Variants in GREB1L observed in about 807,000 individuals in gnomAD.
GREB1L encodes the protein GREB1 like retinoic acid receptor coactivator.
Under a neutral mutation model 200.8 loss-of-function variants are expected in GREB1L, and 17 were observed. The observed-to-expected ratio is 0.08, with a 90% CI of 0.06 to 0.13. GREB1L has a LOEUF of 0.13. Ranked by LOEUF, GREB1L falls within the 10% of genes least tolerant of loss-of-function variation. The pLI is 1.00. For missense variants in GREB1L, 1,657 were observed against 2,367.7 expected, an observed-to-expected ratio of 0.70 and a Z score of 6.23; for synonymous variants, 789 against 893.0, an observed-to-expected ratio of 0.88 and a Z score of 2.08.
At chr18:21,261,172 C>CTA (rs1171245555) in intron 1 of GREB1L, among the ~76,000 whole-genome samples, 3 of 151,934 alleles carry the variant, frequency 2.0e-5, no homozygotes, top group South Asian at 4.1e-4. Flanking sequence ...AATATTTAGA[C>CTA]TATATATATA....
intron 23 of GREB1L, among the ~76,000 whole-genome samples, chr18:21,501,133 G>A (rs1568064700): frequency 6.6e-6 from 1 of 151,366 alleles, no homozygotes; most frequent in Non-Finnish European, 1.5e-5. Context: ...AAATAGTTCT[G>A]AGTAAACTGT....
intron 19 of GREB1L, among the ~76,000 whole-genome samples, chr18:21,493,475 G>A (rs1235082309): frequency 6.6e-6 from 1 of 152,208 alleles, no homozygotes; most frequent in Non-Finnish European, 1.5e-5. Flanking sequence ...TCAGTCATCA[G>A]AAGGAGCAAT....
intron 11 of GREB1L, among the ~76,000 whole-genome samples, chr18:21,446,580 C>G (rs531356612): frequency 1.2e-4 from 18 of 152,108 alleles, no homozygotes; most frequent in African/African-American, 4.3e-4. Flanking sequence ...AGCTATTTCT[C>G]TTTTAAAACC....
At chr18:21,431,971 G>A (rs1169933999) in intron 7 of GREB1L, among the ~76,000 whole-genome samples, 1 of 136,616 alleles carries the variant, frequency 7.3e-6, no homozygotes, top group Non-Finnish European at 1.5e-5. Flanking sequence ...CGCCCAGGCT[G>A]GAGTGCAGTG....
At chr18:21,349,194 T>C (rs1410500602) in intron 1 of GREB1L, among the ~76,000 whole-genome samples, 1 of 152,220 alleles carries the variant, frequency 6.6e-6, no homozygotes, top group Non-Finnish European at 1.5e-5. Flanking sequence ...CTTCCAAAGT[T>C]ACCTTTTATG....
At chr18:21,444,100 T>C in intron 10 of GREB1L, 124 bp from the exon 11 acceptor site, 2 of 617,020 alleles carry the variant, frequency 3.2e-6, no homozygotes, top group Non-Finnish European at 5.6e-6. Flanking sequence ...GAGTGATTTG[T>C]TTGGTAGCTA....
At chr18:21,508,984 G>C (rs1210395804) in intron 27 of GREB1L, among the ~76,000 whole-genome samples, 4 of 152,142 alleles carry the variant, frequency 2.6e-5, no homozygotes, top group African/African-American at 9.7e-5. Flanking sequence ...ATCAAGAGGG[G>C]CCCCTAGGTC....
chr18:21,353,080 G>C (rs1242620471), intron 1 of GREB1L, among the ~76,000 whole-genome samples: 1 of 151,858 alleles, frequency 6.6e-6, no homozygotes, highest in Non-Finnish European at 1.5e-5. Flanking sequence ...TATTCAGGAG[G>C]CTGAGGCAAG....
intron 1 of GREB1L, among the ~76,000 whole-genome samples, chr18:21,358,319 A>T (rs1384534756): frequency 6.6e-6 from 1 of 151,964 alleles, no homozygotes; most frequent in East Asian, 1.9e-4. Context: ...TTATTTATTT[A>T]TGTAGAGACG....
chr18:21,463,091 G>A lies in GREB1L; in HGVS notation c.2182+8528G>A, dbSNP rs2035114378. 4.4e-5 allele frequency among the ~76,000 whole-genome samples: 6 copies of A among 136,564 alleles called. No individual in the cohort carries two copies. In the South Asian group the frequency reaches 1.5e-3, roughly 33 times the overall value. 89.6% of individuals were successfully genotyped at this position (136,564 alleles called of 152,430 possible). On this transcript the variant is annotated intron_variant, in intron 15 of 32. Coordinates refer to ENST00000424526, the MANE Select transcript of GREB1L (RefSeq NM_001142966.3). ...ACTGATAATCTTAAAACTATTTTGT[G>A]TATATCATAGGAGAGAGCCGATAGG...
At chr18:21,484,416 G>A (rs1375223694) in intron 17 of GREB1L, among the ~76,000 whole-genome samples, 3 of 151,968 alleles carry the variant, frequency 2.0e-5, no homozygotes, top group African/African-American at 7.2e-5. Context: ...CTGGGTTTAC[G>A]GGCGTGAGCC....
At chr18:21,284,452 C>G (rs2038321551) in intron 1 of GREB1L, among the ~76,000 whole-genome samples, 1 of 152,126 alleles carries the variant, frequency 6.6e-6, no homozygotes, top group African/African-American at 2.4e-5. Flanking sequence ...TTGTGACGGG[C>G]TTCTTTTACT....
chr18:21,242,720 C>A (rs2143771166), intron 1 of GREB1L, among the ~76,000 whole-genome samples: 1 of 152,310 alleles, frequency 6.6e-6, no homozygotes, highest in South Asian at 2.1e-4. Flanking sequence ...TACTCGCTGC[C>A]TTTGTGGCGG....
intron 11 of GREB1L, among the ~76,000 whole-genome samples, chr18:21,446,263 G>A (rs2034211941): frequency 1.3e-5 from 2 of 152,190 alleles, no homozygotes; most frequent in South Asian, 2.1e-4. Flanking sequence ...GATCTCAGGT[G>A]ATCCACCTGC....
At position 21,439,565 on chromosome 18, in the gene GREB1L, T is replaced by C. The variant is rs1465464399; in HGVS notation, c.877T>C (p.Ser293Pro). ...NSSHGGKGSA[S>P]SSTPAHTGNY... Reference sequence around the variant, plus strand: ...TAGCCATGGAGGGAAGGGCAGTGCATCCAGCTCCACTCCAGCCCACACAGG... The same window carrying C: ...TAGCCATGGAGGGAAGGGCAGTGCACCCAGCTCCACTCCAGCCCACACAGG... Residue 293 changes from serine (S) to proline (P), a missense_variant, in exon 8 of 33, where the codon TCC becomes CCC. Physicochemically the swap from Ser to Pro is moderately conservative, Grantham distance 74. This residue lies in a region of GREB1L where 289 missense variants were observed against 345.1 expected (regional missense o/e 0.84). Transcript: ENST00000424526. The C allele has an allele frequency of 6.4e-7, 1 of 1,551,388 alleles. No homozygotes were observed. The highest frequency in any genetic ancestry group is 8.7e-7 in the Non-Finnish European group (1 of 1,146,388).
At chr18:21,384,172 T>C in intron 3 of GREB1L, 34 bp from the exon 4 acceptor site, 3 of 1,361,122 alleles carry the variant, frequency 2.2e-6, no homozygotes, top group Non-Finnish European at 3.1e-6. Flanking sequence ...AGCATCTTTT[T>C]ATTAAATCTG....
chr18:21,257,142 A>G (rs539475314), intron 1 of GREB1L, among the ~76,000 whole-genome samples: 115 of 151,606 alleles, frequency 7.6e-4, no homozygotes, highest in South Asian at 4.2e-4. Flanking sequence ...AATTTTTTGT[A>G]TTTTTAGTAG....
chr18:21,486,518 C>A (rs190128369), intron 18 of GREB1L, among the ~76,000 whole-genome samples: 83 of 152,222 alleles, frequency 5.5e-4, no homozygotes, highest in African/African-American at 1.9e-3. Flanking sequence ...GAAGTATACA[C>A]TGGAAGAAAT....
chr18:21,304,624 T>G (rs2038670542), intron 1 of GREB1L, among the ~76,000 whole-genome samples: 1 of 152,160 alleles, frequency 6.6e-6, no homozygotes, highest in Non-Finnish European at 1.5e-5. Context: ...ATGTAAGATG[T>G]ACAAAATGGG....
Sources: gnomAD v4.1 joint callset for allele counts (sites outside exome capture counted in the v4.1 genomes callset) on GRCh38, gnomAD v4.1.1 for gene constraint, gnomAD v4.1.1 regional missense constraint, MANE v1.5 for transcripts, NCBI Gene and HGNC (gene_info 2026-07-23, HGNC 2026-07-21) for gene names.